Variants in DGKI observed in about 807,000 individuals in gnomAD.
DGKI encodes diacylglycerol kinase iota, also known as DAG kinase iota.
Under a neutral mutation model 147.5 loss-of-function variants are expected in DGKI, and 55 were observed. The observed-to-expected ratio is 0.37, with a 90% CI of 0.30 to 0.47. The LOEUF (loss-of-function observed/expected upper bound fraction) is 0.47. Ranked by LOEUF, DGKI falls within the 20% of genes least tolerant of loss-of-function variation. The probability of loss-of-function intolerance (pLI) is 1.00; values close to 1 mark genes in which losing one functional copy is unlikely to be tolerated. For synonymous variants in DGKI, 469 were observed against 477.1 expected (o/e 0.98, Z 0.22); for missense variants, 1,007 against 1,323.8 (o/e 0.76, Z 3.71).
chr7:137,463,384 G>A, intron 27 of DGKI, 105 bp downstream of exon 27: 2 of 1,484,540 alleles, frequency 1.3e-6, no homozygotes, highest in Non-Finnish European at 1.8e-6. Flanking sequence ...GACAGCCTGA[G>A]CGCCATTGAA....
chr7:137,476,317 T>C (rs1360600531), intron 23 of DGKI, among the ~76,000 whole-genome samples: 1 of 152,178 alleles, frequency 6.6e-6, no homozygotes, highest in African/African-American at 2.4e-5. Context: ...GATGGTAATT[T>C]TCCTTTTTTT....
intron 5 of DGKI, among the ~76,000 whole-genome samples, chr7:137,647,840 T>C (rs1293883045): frequency 2.0e-5 from 3 of 152,202 alleles, no homozygotes; most frequent in African/African-American, 7.2e-5. Context: ...CATATCCCAA[T>C]TCGCATTACA....
In DGKI at chr7:137,518,407, C is replaced by T. The variant is rs568887514; in HGVS notation, c.2248+3459G>A. ...ATTAGGGCAAATGCTTAACTAAATA[C>T]CTAGTTTGGTTAACACTAACGATAC... On this transcript the variant is annotated intron_variant, in intron 21 of 32. Transcript: ENST00000614521. 2.6e-5 allele frequency among the ~76,000 whole-genome samples: 4 copies of T among 152,150 alleles called. No individual in the cohort carries two copies. In the South Asian group the frequency reaches 6.2e-4, roughly 24 times the overall value.
chr7:137,758,405 G>A (rs1416406887), intron 1 of DGKI, among the ~76,000 whole-genome samples: 1 of 152,202 alleles, frequency 6.6e-6, no homozygotes, highest in Non-Finnish European at 1.5e-5. Context: ...TATCTCAGAG[G>A]CCATGTGCGG....
chr7:137,604,015 C>T (rs971240742), intron 10 of DGKI, among the ~76,000 whole-genome samples: 3 of 152,176 alleles, frequency 2.0e-5, no homozygotes, highest in Admixed American at 2.0e-4. Flanking sequence ...TTTTATGCAT[C>T]GCTCTGGCTA....
intron 1 of DGKI, among the ~76,000 whole-genome samples, chr7:137,731,393 G>C (rs998732705): frequency 6.6e-6 from 1 of 152,038 alleles, no homozygotes; most frequent in African/African-American, 2.4e-5. Context: ...TCTTTCCCCA[G>C]TATGTAGGCA....
At position 137,436,177 on chromosome 7, in the gene DGKI, A is replaced by G. The variant is rs780660006; in HGVS notation, c.2761+7900T>C. Among the ~76,000 whole-genome samples the G allele has an allele frequency of 3.7e-4, 57 of 152,234 alleles. 1 individual carries two copies. The highest frequency in any genetic ancestry group is 4.1e-4 in the Non-Finnish European group (28 of 68,022). Reference sequence around the variant, plus strand: ...TTAAGGGAATAGCTACCTTTTGAGAACTCTACTATTTAAAAAAATGAATGT... The same window carrying G: ...TTAAGGGAATAGCTACCTTTTGAGAGCTCTACTATTTAAAAAAATGAATGT... On this transcript the variant is annotated intron_variant, in intron 28 of 32. Transcript: ENST00000614521.
chr7:137,465,922 C>A lies in DGKI; in HGVS notation c.2598G>T (p.Val866=), dbSNP rs2128926578. The A allele has an allele frequency of 6.2e-7, 1 of 1,613,980 alleles. No homozygotes were observed. Among genetic ancestry groups the A allele is most frequent in the East Asian group, 2.2e-5 (1 of 44,874 alleles). The change falls in exon 26 of 33, where the codon GTG becomes GTT. Residue 866 remains valine (V), a synonymous_variant. Coordinates refer to ENST00000614521, the MANE Select transcript of DGKI (RefSeq NM_001321708.2). ...GTPPGMPDLV[V]EQASGISDWW... is the part of the protein sequence containing the mutation. ...AGCACACTCACCCCGAGGCTTGTTC[C>A]ACCACCAGGTCAGGCATGCCCGGAG...
intron 20 of DGKI, among the ~76,000 whole-genome samples, chr7:137,547,580 AT>A (rs1198975645): frequency 6.6e-6 from 1 of 152,160 alleles, no homozygotes; most frequent in East Asian, 1.9e-4. Flanking sequence ...TTAGAAAGCA[AT>A]TTCTGAGAAA....
rs533677147 is a variant in DGKI at position 137,421,917 on chromosome 7, C to G, written c.2762-9710G>C. Among the ~76,000 whole-genome samples the G allele has an allele frequency of 2.6e-5, 4 of 152,266 alleles. No homozygotes were observed. The South Asian group carries it at 8.3e-4, about 32-fold the overall frequency. On this transcript the variant is annotated intron_variant, in intron 28 of 32. Coordinates refer to ENST00000614521, the MANE Select transcript of DGKI (RefSeq NM_001321708.2). Reference sequence around the variant, plus strand: ...AGACATTCTAGGGAGTGGAAGAAAGCTCACCTTACTGGCCCCTGCTACACC... The same window carrying G: ...AGACATTCTAGGGAGTGGAAGAAAGGTCACCTTACTGGCCCCTGCTACACC...
chr7:137,698,831 T>C (rs1466105129), intron 1 of DGKI, among the ~76,000 whole-genome samples: 1 of 152,194 alleles, frequency 6.6e-6, no homozygotes, highest in Admixed American at 6.5e-5. Flanking sequence ...CCCAGATGTC[T>C]GGCTCCAAAG....
At position 137,390,697 on chromosome 7, in the gene DGKI, A is replaced by C. The variant is rs1007989073; in HGVS notation, c.*523T>G. On this transcript the variant is annotated 3_prime_UTR_variant, in exon 33 of 33. Coordinates refer to ENST00000614521, the MANE Select transcript of DGKI (RefSeq NM_001321708.2). ...TGATATATTTAGTCTTAGAAATGGAAGTGGTTTTACAGTTATATTTCTGCA... is the reference window on the plus strand; with the variant it reads ...TGATATATTTAGTCTTAGAAATGGACGTGGTTTTACAGTTATATTTCTGCA... The C allele has an allele frequency of 6.4e-6, 1 of 155,670 alleles. No individual in the cohort carries two copies. Among genetic ancestry groups the C allele is most frequent in the South Asian group, 1.9e-4 (1 of 5,198 alleles). The allele number at this position is 155,670 out of a possible 1,614,324, so 9.6% of individuals were successfully genotyped here. A position where few individuals can be genotyped will look rare whatever the true frequency, so the allele number is the denominator to read the frequency against.
chr7:137,548,877 C>T (rs944907430), intron 20 of DGKI, among the ~76,000 whole-genome samples: 1 of 152,204 alleles, frequency 6.6e-6, no homozygotes, highest in African/African-American at 2.4e-5. Flanking sequence ...AGGAGAATCA[C>T]TTGAACCCGG....
intron 8 of DGKI, among the ~76,000 whole-genome samples, chr7:137,615,802 TTA>T (rs1820511930): frequency 6.6e-6 from 1 of 152,148 alleles, no homozygotes; most frequent in Non-Finnish European, 1.5e-5. Context: ...CGTGGTTTTT[TTA>T]TGTCTATAGA....
At chr7:137,676,362 T>C (rs1823038037) in intron 3 of DGKI, among the ~76,000 whole-genome samples, 1 of 152,248 alleles carries the variant, frequency 6.6e-6, no homozygotes, top group South Asian at 2.1e-4. Context: ...GTAAATTTCC[T>C]GTCCTTGTCC....
intron 1 of DGKI, among the ~76,000 whole-genome samples, chr7:137,712,542 G>A (rs1004008879): frequency 2.6e-5 from 4 of 152,130 alleles, no homozygotes; most frequent in Admixed American, 6.6e-5. Flanking sequence ...CAGTCAAATT[G>A]CTGCTGTCCA....
chr7:137,455,590 T>C (rs1814161215), intron 27 of DGKI, among the ~76,000 whole-genome samples: 1 of 130,448 alleles, frequency 7.7e-6, no homozygotes, highest in African/African-American at 2.9e-5. Flanking sequence ...AGGATTGTTG[T>C]TCTTATGTGT....
chr7:137,618,362 T>A (rs183835703), intron 8 of DGKI, among the ~76,000 whole-genome samples: 14 of 151,028 alleles, frequency 9.3e-5, no homozygotes, highest in Admixed American at 4.7e-4. Context: ...GACACAGTAC[T>A]CATGCCTGTG....
chr7:137,451,681 T>A (rs1813964164), intron 27 of DGKI, among the ~76,000 whole-genome samples: 1 of 152,232 alleles, frequency 6.6e-6, no homozygotes, highest in Non-Finnish European at 1.5e-5. Context: ...CACGACTATT[T>A]CAGTCTTTAT....
Sources: gnomAD v4.1 joint callset for allele counts (sites outside exome capture counted in the v4.1 genomes callset) on GRCh38, gnomAD v4.1.1 for gene constraint, MANE v1.5 for transcripts, NCBI Gene and HGNC (gene_info 2026-07-23, HGNC 2026-07-21) for gene names.